Variants in OSBPL6 observed in about 807,000 individuals in gnomAD.
OSBPL6 encodes the protein oxysterol binding protein like 6.
In OSBPL6, 49 loss-of-function variants were observed where a neutral mutation model predicts 125.8. That is an observed-to-expected ratio of 0.39 (90% CI 0.31 to 0.49). The LOEUF is 0.49. Ranked by LOEUF, OSBPL6 falls within the 20% of genes least tolerant of loss-of-function variation. OSBPL6 has a pLI of 0.88. For missense variants in OSBPL6, 986 were observed against 1,135.4 expected (o/e 0.87, Z 1.89); for synonymous variants, 394 against 391.8 (o/e 1.01, Z -0.07).
intron 1 of OSBPL6, among the ~76,000 whole-genome samples, chr2:178,232,015 C>T (rs2090850831): frequency 6.6e-6 from 1 of 152,088 alleles, no homozygotes; most frequent in Non-Finnish European, 1.5e-5. Context: ...AACTGTACTC[C>T]TATGCCATAG....
At chr2:178,194,949 C>T (rs1184887081) in intron 1 of OSBPL6, among the ~76,000 whole-genome samples, 1 of 152,178 alleles carries the variant, frequency 6.6e-6, no homozygotes, top group Non-Finnish European at 1.5e-5. Context: ...TGCCGCCCTC[C>T]CTCCCCCTCG....
intron 1 of OSBPL6, among the ~76,000 whole-genome samples, chr2:178,232,189 G>A (rs62177227): frequency 0.16 from 24,136 of 151,910 alleles, 2,425 homozygotes; most frequent in South Asian, 0.23. Flanking sequence ...TCTAGAATCT[G>A]GTCTAAGATA....
intron 2 of OSBPL6, among the ~76,000 whole-genome samples, chr2:178,302,815 T>C (rs983867440): frequency 6.6e-6 from 1 of 152,192 alleles, no homozygotes; most frequent in Non-Finnish European, 1.5e-5. Flanking sequence ...ATGAAAAAAG[T>C]ACAGTTTTTT....
At chr2:178,392,603 C>A (rs1355044306) in intron 23 of OSBPL6, 65 bp downstream of exon 23, 3 of 1,570,636 alleles carry the variant, frequency 1.9e-6, no homozygotes, top group Non-Finnish European at 2.6e-6. Context: ...TGCCTATAAT[C>A]CCAGCACTTT....
At chr2:178,361,588 C>T in intron 12 of OSBPL6, 94 bp from the exon 13 acceptor site, 1 of 1,463,348 alleles carries the variant, frequency 6.8e-7, no homozygotes. Flanking sequence ...CCAAAAAATG[C>T]CTATTTGTGA....
intron 17 of OSBPL6, among the ~76,000 whole-genome samples, chr2:178,383,639 C>T (rs991896092): frequency 6.6e-6 from 1 of 152,200 alleles, no homozygotes; most frequent in Non-Finnish European, 1.5e-5. Flanking sequence ...GTTTATACTT[C>T]ACCCTTTATC....
chr2:178,196,031 A>G (rs2088867972), intron 1 of OSBPL6, among the ~76,000 whole-genome samples: 1 of 141,828 alleles, frequency 7.1e-6, no homozygotes, highest in Non-Finnish European at 1.5e-5. Flanking sequence ...TATTTTTTGG[A>G]AACATTTCTA....
intron 1 of OSBPL6, among the ~76,000 whole-genome samples, chr2:178,258,557 G>A (rs773365837): frequency 5.9e-5 from 9 of 152,074 alleles, no homozygotes; most frequent in East Asian, 1.9e-4. Context: ...TCAGCCCCAC[G>A]TGATGATAAT....
intron 13 of OSBPL6, among the ~76,000 whole-genome samples, chr2:178,366,051 C>T (rs1454985498): frequency 2.0e-5 from 3 of 152,076 alleles, no homozygotes; most frequent in Admixed American, 6.6e-5. Context: ...CCACCACGTC[C>T]GGCTAATTTT....
At chr2:178,349,122 G>A in intron 11 of OSBPL6, 102 bp from the exon 12 acceptor site, 1 of 1,228,008 alleles carries the variant, frequency 8.1e-7, no homozygotes, top group South Asian at 1.2e-5. Context: ...TGTTATCAGA[G>A]AGGAATCTAT....
At chr2:178,322,717 G>C (rs553892855) in intron 3 of OSBPL6, among the ~76,000 whole-genome samples, 1 of 152,000 alleles carries the variant, frequency 6.6e-6, no homozygotes, top group Admixed American at 6.5e-5. Context: ...TTTCTAAATG[G>C]TTATTTCAAA....
At chr2:178,204,338 A>G (rs1017879322) in intron 1 of OSBPL6, among the ~76,000 whole-genome samples, 3 of 152,102 alleles carry the variant, frequency 2.0e-5, no homozygotes, top group African/African-American at 4.8e-5. Context: ...TGAATTCTTG[A>G]TGGGAACTCT....
chr2:178,199,064 A>C (rs557732705), intron 1 of OSBPL6, among the ~76,000 whole-genome samples: 2 of 152,234 alleles, frequency 1.3e-5, no homozygotes, highest in African/African-American at 4.8e-5. Flanking sequence ...TAAATGCATC[A>C]TATATCCATT....
chr2:178,232,758 C>G (rs1056175802), intron 1 of OSBPL6, among the ~76,000 whole-genome samples: 5 of 151,890 alleles, frequency 3.3e-5, no homozygotes, highest in African/African-American at 1.2e-4. Context: ...TCTACTCAGC[C>G]CAGTACTTTA....
chr2:178,223,829 A>G (rs921749599), intron 1 of OSBPL6, among the ~76,000 whole-genome samples: 1 of 152,152 alleles, frequency 6.6e-6, no homozygotes, highest in African/African-American at 2.4e-5. Context: ...GATTATTTCA[A>G]ATGTTATTGA....
At chr2:178,267,067 G>A (rs902376386) in intron 1 of OSBPL6, among the ~76,000 whole-genome samples, 1 of 152,080 alleles carries the variant, frequency 6.6e-6, no homozygotes, top group African/African-American at 2.4e-5. Flanking sequence ...TCAAAACAAG[G>A]TTTAGGCCAG....
At chr2:178,267,208 G>A (rs1239648512) in intron 1 of OSBPL6, among the ~76,000 whole-genome samples, 1 of 151,968 alleles carries the variant, frequency 6.6e-6, no homozygotes, top group Non-Finnish European at 1.5e-5. Context: ...ATAAAAATTA[G>A]CCGGGCATGG....
chr2:178,229,321 G>A (rs536193515), intron 1 of OSBPL6, among the ~76,000 whole-genome samples: 8 of 152,182 alleles, frequency 5.3e-5, no homozygotes, highest in Admixed American at 2.0e-4. Flanking sequence ...TCTCTAGACC[G>A]TGCATGGTGT....
intron 1 of OSBPL6, among the ~76,000 whole-genome samples, chr2:178,235,555 T>C (rs544301886): frequency 8.6e-5 from 13 of 151,910 alleles, no homozygotes; most frequent in African/African-American, 3.1e-4. Flanking sequence ...TACAGGCATG[T>C]GCCACTACGC....
Sources: gnomAD v4.1 joint callset for allele counts (sites outside exome capture counted in the v4.1 genomes callset) on GRCh38, gnomAD v4.1.1 for gene constraint, MANE v1.5 for transcripts, NCBI Gene and HGNC (gene_info 2026-07-23, HGNC 2026-07-21) for gene names.